Variants in RERE observed in about 807,000 individuals in gnomAD.
RERE encodes the protein arginine-glutamic acid dipeptide repeats protein.
RERE carries 40 observed loss-of-function variants against 146.1 expected under a neutral mutation model. The observed-to-expected ratio is 0.27, with a 90% CI of 0.21 to 0.36. The LOEUF is 0.36. RERE is among the 10% of genes least tolerant of loss of function. The pLI is 1.00. For synonymous variants in RERE, 1,003 were observed against 866.0 expected (o/e 1.16, Z -2.78); for missense variants, 1,933 against 2,138.7 (o/e 0.90, Z 1.90).
chr1:8,632,800 C>G (rs74050247), intron 2 of RERE, among the ~76,000 whole-genome samples: 4,205 of 152,262 alleles, frequency 0.028, 175 homozygotes, highest in African/African-American at 0.095. Flanking sequence ...CTTTCCCATT[C>G]AAATATTTAC....
intron 12 of RERE, among the ~76,000 whole-genome samples, chr1:8,386,192 G>A (rs1237991380): frequency 6.7e-6 from 1 of 149,986 alleles, no homozygotes; most frequent in Non-Finnish European, 1.5e-5. Flanking sequence ...AAACTTGTAG[G>A]ACTACAGTTA....
rs991426530 is a variant in RERE, at chr1:8,423,741, G to T, written c.1204-934C>A. On this transcript the variant is annotated intron_variant, in intron 11 of 22. Transcript: ENST00000400908. The surrounding 1 kb of genome is among the most constrained non-coding windows in gnomAD (Gnocchi z 5.4). ...GGCGGGGCCGCGCGGCGCGGGGCCC[G>T]GGGGGCGCGGGGCTGGGGCCGCCGC... 6 of 961,648 alleles carry T rather than the reference G, an allele frequency of 6.2e-6. No individual in the cohort carries two copies. In the Admixed American group the frequency reaches 3.2e-4, roughly 51 times the overall value. 59.6% of individuals were successfully genotyped at this position (961,648 alleles called of 1,614,324 possible).
intron 12 of RERE, among the ~76,000 whole-genome samples, chr1:8,385,831 T>C (rs1642619021): frequency 1.3e-5 from 2 of 149,174 alleles, no homozygotes; most frequent in Non-Finnish European, 3.0e-5. Context: ...TAGCTGGACG[T>C]GGTGGCGGGC....
intron 12 of RERE, among the ~76,000 whole-genome samples, chr1:8,379,888 G>A (rs900156358): frequency 6.6e-6 from 1 of 152,208 alleles, no homozygotes; most frequent in Non-Finnish European, 1.5e-5. Context: ...GGAAGCCTGC[G>A]GGGCTGGGTG....
At chr1:8,381,540 C>T (rs1054945502) in intron 12 of RERE, among the ~76,000 whole-genome samples, 8 of 152,158 alleles carry the variant, frequency 5.3e-5, no homozygotes, top group African/African-American at 1.9e-4. Flanking sequence ...GCTAAACACA[C>T]ATAGGTGGAA....
intron 1 of RERE, among the ~76,000 whole-genome samples, chr1:8,754,179 G>A (rs1640591380): frequency 1.3e-5 from 2 of 151,434 alleles, no homozygotes; most frequent in African/African-American, 4.8e-5. Flanking sequence ...GTGTTAGGGA[G>A]TGTTTCATTT....
chr1:8,691,595 T>C (rs1639208190), intron 1 of RERE, among the ~76,000 whole-genome samples: 1 of 152,226 alleles, frequency 6.6e-6, no homozygotes, highest in African/African-American at 2.4e-5. Flanking sequence ...ATAAACCATC[T>C]GCAATTTATG....
At chr1:8,735,286 A>C (rs940420873) in intron 1 of RERE, among the ~76,000 whole-genome samples, 4 of 152,244 alleles carry the variant, frequency 2.6e-5, no homozygotes, top group African/African-American at 9.6e-5. Flanking sequence ...AGCAGTTAGC[A>C]TAAGTGCACA....
intron 4 of RERE, among the ~76,000 whole-genome samples, chr1:8,608,717 G>C (rs535980964): frequency 1.1e-3 from 163 of 152,360 alleles, no homozygotes; most frequent in African/African-American, 3.8e-3. Context: ...TAGGTTTATT[G>C]ATATTTGTGA....
chr1:8,677,786 T>C (rs1386629844), intron 1 of RERE, among the ~76,000 whole-genome samples: 1 of 152,042 alleles, frequency 6.6e-6, no homozygotes, highest in Non-Finnish European at 1.5e-5. Flanking sequence ...AGCAAAATAA[T>C]CCATGCAAAC....
chr1:8,612,888 A>G (rs757137121), intron 4 of RERE, among the ~76,000 whole-genome samples: 4 of 152,234 alleles, frequency 2.6e-5, no homozygotes, highest in Non-Finnish European at 5.9e-5. Context: ...ACTTTTATCT[A>G]TACTACACTG....
chr1:8,730,333 G>A (rs894205321), intron 1 of RERE, among the ~76,000 whole-genome samples: 5 of 151,984 alleles, frequency 3.3e-5, no homozygotes, highest in African/African-American at 9.7e-5. Flanking sequence ...TTGTTTTTGG[G>A]GTTTTTTTTG....
At position 8,361,129 on chromosome 1, in the gene RERE, G is replaced by A. The variant is rs1307667676; in HGVS notation, c.2378C>T (p.Ala793Val). Residue 793 changes from alanine to valine, a missense_variant, in exon 18 of 23, where the codon GCG (alanine) becomes GTG (valine). Ala to Val is a moderately conservative substitution (Grantham distance 64, BLOSUM62 0). Coordinates refer to ENST00000400908, the MANE Select transcript of RERE (RefSeq NM_001042681.2). ...QAPNQPQAPT[A>V]PVPHTHIQQA... ...TTGGATGTGGGTGTGGGGAACAGGC[G>A]CTGTGGGAGCCTGTGGCTGGTTAGG... The A allele has an allele frequency of 6.2e-6, 9 of 1,445,350 alleles. No homozygotes were observed. The highest frequency in any genetic ancestry group is 2.9e-5 in the African/African-American group (2 of 69,840). The allele number at this position is 1,445,350 out of a possible 1,614,324, so 89.5% of individuals were successfully genotyped here.
chr1:8,484,690 T>C (rs1031669588), intron 10 of RERE, among the ~76,000 whole-genome samples: 1 of 152,214 alleles, frequency 6.6e-6, no homozygotes, highest in African/African-American at 2.4e-5. Context: ...CCCAATGTGC[T>C]GGGATTACAG....
intron 1 of RERE, among the ~76,000 whole-genome samples, chr1:8,768,074 A>T (rs144067074): frequency 1.2e-3 from 178 of 152,328 alleles, no homozygotes; most frequent in African/African-American, 4.1e-3. Flanking sequence ...AAATAGTCAC[A>T]GGCCATTTGG....
In RERE at chr1:8,353,996, CTGAGT is replaced by C. The variant is rs1387728157; in HGVS notation, c.*1086_*1090del. 1 of 152,580 alleles carries C rather than the reference CTGAGT, an allele frequency of 6.6e-6. No individual in the cohort carries two copies. The highest frequency in any genetic ancestry group is 2.4e-5 in the African/African-American group (1 of 41,424). The allele number at this position is 152,580 out of a possible 1,614,324, so 9.5% of individuals were successfully genotyped here. On this transcript the variant is annotated 3_prime_UTR_variant, in exon 23 of 23. Coordinates refer to ENST00000400908, the MANE Select transcript of RERE (RefSeq NM_001042681.2). ...GCATATGTCCTGGGTCACTTGTGTG[CTGAGT>C]TATTTGTATGGAATCATTTTCTTAG... is the stretch of plus-strand genomic sequence containing the variant.
At chr1:8,420,820 A>G (rs970155576) in intron 12 of RERE, among the ~76,000 whole-genome samples, 1 of 152,236 alleles carries the variant, frequency 6.6e-6, no homozygotes, top group Non-Finnish European at 1.5e-5. Flanking sequence ...CAAAGAGGCT[A>G]GTGGAAAAGA....
chr1:8,415,097 T>C (rs991790140), intron 12 of RERE, among the ~76,000 whole-genome samples: 1 of 152,236 alleles, frequency 6.6e-6, no homozygotes, highest in African/African-American at 2.4e-5. Flanking sequence ...ACTAGATAGA[T>C]ATATTTTTAA....
intron 1 of RERE, among the ~76,000 whole-genome samples, chr1:8,677,089 A>T (rs1253819791): frequency 6.6e-6 from 1 of 152,070 alleles, no homozygotes; most frequent in Non-Finnish European, 1.5e-5. Context: ...CTAGCCCAAG[A>T]GGGGTTTTTG....
Sources: allele counts gnomAD v4.1 joint callset (sites outside exome capture counted in the v4.1 genomes callset), GRCh38; gene constraint gnomAD v4.1.1; non-coding constraint Gnocchi (gnomAD v3.1); transcripts MANE v1.5; gene names NCBI Gene and HGNC (gene_info 2026-07-23, HGNC 2026-07-21).